The following ARHGAP29 variants were observed in gnomAD, a reference collection of about 807,000 sequenced individuals.
ARHGAP29 encodes rho GTPase-activating protein 29.
Under a neutral mutation model 122.6 loss-of-function variants are expected in ARHGAP29, and 43 were observed. That is an observed-to-expected ratio of 0.35 (90% CI 0.27 to 0.45). The LOEUF (loss-of-function observed/expected upper bound fraction) is 0.45. Among genes scored for constraint, ARHGAP29 ranks in the 20% least tolerant of loss-of-function variants. The pLI, the probability that ARHGAP29 is intolerant of heterozygous loss-of-function variation, is 1.00. For missense variants in ARHGAP29, 1,303 were observed against 1,477.2 expected (o/e 0.88, Z 1.93); for synonymous variants, 506 against 497.1 (o/e 1.02, Z -0.24).
At chr1:94,305,790 T>A in the ARHGAP29 span, among the ~76,000 whole-genome samples, 1 of 152,228 alleles carries the variant, frequency 6.6e-6, no homozygotes, top group Non-Finnish European at 1.5e-5. Flanking sequence ...TGGTGGTATG[T>A]GCTAAGAATA....
At chr1:94,210,843 C>A (rs773214063) in intron 3 of ARHGAP29, among the ~76,000 whole-genome samples, 33 of 149,700 alleles carry the variant, frequency 2.2e-4, no homozygotes, top group Non-Finnish European at 4.4e-4. Context: ...TTCAAGACTG[C>A]AGTTAGTTAT....
the ARHGAP29 span, among the ~76,000 whole-genome samples, chr1:94,301,608 C>T: frequency 6.6e-6 from 1 of 152,060 alleles, no homozygotes; most frequent in Non-Finnish European, 1.5e-5. Flanking sequence ...TGTATGGTGG[C>T]CAGGGGGGAT....
At chr1:94,220,457 G>C in intron 2 of ARHGAP29, 65 bp from the exon 3 acceptor site, 3 of 1,374,826 alleles carry the variant, frequency 2.2e-6, no homozygotes, top group Non-Finnish European at 2.9e-6. Context: ...ACTACAAAAC[G>C]TCATCTGAAG....
chr1:94,189,911 T>C lies in ARHGAP29; in HGVS notation c.1439+15A>G, dbSNP rs756470957. The C allele has an allele frequency of 6.2e-7, 1 of 1,611,126 alleles. No homozygotes were observed. Among genetic ancestry groups the C allele is most frequent in the South Asian group, 1.1e-5 (1 of 90,826 alleles). ...TTATATTTTGAAATAATTTTGTCTG[T>C]ACATTAATTCTCACCCATCAACTTT... On this transcript the variant is annotated intron_variant, in intron 13 of 22. Transcript: ENST00000260526.
Position 94,220,272 on chromosome 1 carries a change from G to T in ARHGAP29, c.326C>A (p.Thr109Asn), listed in dbSNP as rs769366932. ...ATCTTCCTTACCTTTCACTTTTGCA[G>T]TGAGCATTTCTGCAGCATTTTGAAG... Reference protein sequence around the residue: ...VDLQNAAEMLTAKVKAVNFTE... With the variant: ...VDLQNAAEMLNAKVKAVNFTE... Residue 109 changes from threonine to asparagine, a missense_variant, in exon 3 of 23, where the codon ACT (threonine) becomes AAT (asparagine). Around this residue, in one of 3 missense-constraint regions of ARHGAP29, gnomAD observed 592 missense variants for 648.2 expected, o/e 0.91. Coordinates refer to ENST00000260526, the MANE Select transcript of ARHGAP29 (RefSeq NM_004815.4). 6.2e-7 allele frequency: 1 copy of T among 1,613,194 alleles called. No individual in the cohort carries two copies. Among genetic ancestry groups the T allele is most frequent in the Admixed American group, 1.7e-5 (1 of 59,898 alleles).
Position 94,186,575 on chromosome 1 carries a change from T to C in ARHGAP29, c.1704A>G (p.Pro568=), listed in dbSNP as rs1649815715. ...ISPGDFHRKL[P]RTPSSGTMSS... ...ACATAGTTCCACTGGATGGTGTTCG[T>C]GGAAGTTTTCGATGAAAGTCTCCTA... is the stretch of plus-strand genomic sequence containing the variant. Residue 568 remains proline, a synonymous_variant, in exon 16 of 23, where the codon CCA becomes CCG. Transcript: ENST00000260526. 1 of 1,613,610 alleles carries C rather than the reference T, an allele frequency of 6.2e-7. No individual in the cohort carries two copies. The highest frequency in any genetic ancestry group is 8.5e-7 in the Non-Finnish European group (1 of 1,179,714).
In ARHGAP29 at chr1:94,189,321, G is replaced by A. The variant is rs149093475; in HGVS notation, c.1471C>T (p.Pro491Ser). The A allele has an allele frequency of 6.2e-7, 1 of 1,611,708 alleles. No homozygotes were observed. Among genetic ancestry groups the A allele is most frequent in the Non-Finnish European group, 8.5e-7 (1 of 1,179,076 alleles). ...GAGTTGGCAGGTCCAAATCCTGAAG[G>A]TTGGGAACTATTTAAATGTTTATTT... is the stretch of plus-strand genomic sequence containing the variant. ...NVNKHLNSSQ[P>S]SGFGPANSLE... Residue 491 changes from proline (P) to serine (S), a missense_variant, in exon 14 of 23, where the codon CCT becomes TCT. Coordinates refer to ENST00000260526, the MANE Select transcript of ARHGAP29 (RefSeq NM_004815.4).
At chr1:94,196,256 C>CTTTTTTTT (rs917635883) in intron 12 of ARHGAP29, among the ~76,000 whole-genome samples, 954 of 91,002 alleles carry the variant, frequency 0.01, 6 homozygotes, top group Non-Finnish European at 0.013. Context: ...CCGTGTTTTT[C>CTTTTTTTT]TTTTTTTTTT....
upstream of ARHGAP29, among the ~76,000 whole-genome samples, chr1:94,242,551 T>C (rs1426308417): frequency 1.4e-5 from 2 of 147,508 alleles, no homozygotes; most frequent in Admixed American, 6.8e-5. Context: ...TAAAAATATA[T>C]ACTAAAATCT....
At chr1:94,254,086 T>A (rs954532200) in intron 1 of ARHGAP29, among the ~76,000 whole-genome samples, 3 of 152,232 alleles carry the variant, frequency 2.0e-5, no homozygotes, top group Non-Finnish European at 2.9e-5. Context: ...TGGCTTAAAT[T>A]AGAAGAAGGC....
chr1:94,257,853 G>T (rs1239850236), intron 1 of ARHGAP29, among the ~76,000 whole-genome samples: 3 of 152,156 alleles, frequency 2.0e-5, no homozygotes, highest in African/African-American at 7.2e-5. Context: ...ACATTGTATA[G>T]GTAGTCTGTG....
In ARHGAP29 at chr1:94,171,347, G is replaced by A. The variant is rs543210740; in HGVS notation, c.*2522C>T. Among the ~76,000 whole-genome samples the A allele has an allele frequency of 6.6e-5, 10 of 152,298 alleles. 1 individual carries two copies. Among genetic ancestry groups the A allele is most frequent in the African/African-American group, 2.4e-4 (10 of 41,580 alleles). On this transcript the variant is annotated 3_prime_UTR_variant, in exon 23 of 23. Coordinates refer to ENST00000260526, the MANE Select transcript of ARHGAP29 (RefSeq NM_004815.4). ...TACTGTACTCATAAATTCTAACTAA[G>A]TTCTCTGTAGGTAAAACATGGCTAG...
chr1:94,269,932 C>G (rs1654926753), intron 1 of ARHGAP29, among the ~76,000 whole-genome samples: 1 of 151,934 alleles, frequency 6.6e-6, no homozygotes, highest in Non-Finnish European at 1.5e-5. Context: ...TTTTCGTAGT[C>G]CCCAGTTATA....
At chr1:94,204,971 T>A (rs1161406272) in intron 7 of ARHGAP29, 90 bp downstream of exon 7, 1 of 1,235,364 alleles carries the variant, frequency 8.1e-7, no homozygotes, top group Non-Finnish European at 1.1e-6. Context: ...GGTACTAATT[T>A]GGAATTCTAT....
chr1:94,188,353 A>C (rs1482676524), intron 15 of ARHGAP29, among the ~76,000 whole-genome samples: 1 of 152,218 alleles, frequency 6.6e-6, no homozygotes, highest in Non-Finnish European at 1.5e-5. Flanking sequence ...ATAGCAATTA[A>C]GTACCAAACA....
chr1:94,217,185 A>C (rs1422584686), intron 3 of ARHGAP29, among the ~76,000 whole-genome samples: 1 of 152,144 alleles, frequency 6.6e-6, no homozygotes, highest in Non-Finnish European at 1.5e-5. Context: ...TAAGGTCTCC[A>C]AAGTAAGTCA....
chr1:94,271,935 C>A (rs1055535324), intron 1 of ARHGAP29, among the ~76,000 whole-genome samples: 1 of 152,104 alleles, frequency 6.6e-6, no homozygotes, highest in Non-Finnish European at 1.5e-5. Context: ...TAAGAAGTGC[C>A]CCCATCTTGG....
chr1:94,224,942 G>A (rs1031241156), intron 2 of ARHGAP29, among the ~76,000 whole-genome samples: 20 of 152,030 alleles, frequency 1.3e-4, no homozygotes, highest in Admixed American at 6.6e-4. Context: ...ACACTATGAA[G>A]AATTCCAATT....
At chr1:94,279,282 C>T (rs1454317164), upstream of ARHGAP29, among the ~76,000 whole-genome samples, 1 of 152,178 alleles carries the variant, frequency 6.6e-6, no homozygotes, top group Non-Finnish European at 1.5e-5. Context: ...CAATACTTTA[C>T]TTGCTGTGCA....
Sources: allele counts gnomAD v4.1 joint callset (sites outside exome capture counted in the v4.1 genomes callset), GRCh38; gene constraint gnomAD v4.1.1; regional missense constraint gnomAD v4.1.1; transcripts MANE v1.5; gene names NCBI Gene and HGNC (gene_info 2026-07-23, HGNC 2026-07-21).